The following MCM4 variants were observed in gnomAD, a reference collection of about 807,000 sequenced individuals.
MCM4 encodes the protein minichromosome maintenance complex component 4.
MCM4 carries 60 observed loss-of-function variants against 88.7 expected under a neutral mutation model. The ratio of observed to expected loss-of-function variants is 0.68; its 90% CI spans 0.55 to 0.84. MCM4 has a LOEUF of 0.84. Among genes scored for constraint, MCM4 ranks in the 40% least tolerant of loss-of-function variants. The pLI is 0.00. For missense variants in MCM4, 1,149 were observed against 1,105.5 expected, an observed-to-expected ratio of 1.04 and a Z score of -0.56; for synonymous variants, 465 against 410.5, an observed-to-expected ratio of 1.13 and a Z score of -1.61.
chr8:47,978,012 T>C lies in MCM4; in HGVS notation c.*1234T>C, dbSNP rs1219129728. On this transcript the variant is annotated 3_prime_UTR_variant, in exon 17 of 17. Coordinates refer to ENST00000649973, the MANE Select transcript of MCM4 (RefSeq NM_182746.3). ...TATGGAAATTTGTAGGGGTAAGTAT[T>C]TTATAGGTCATAAAAAACACCATAA... 2 of 152,268 alleles carry C rather than the reference T, an allele frequency of 1.3e-5. No individual in the cohort carries two copies. Among genetic ancestry groups the C allele is most frequent in the South Asian group, 2.1e-4 (1 of 4,824 alleles). The allele number at this position is 152,268 out of a possible 1,614,324, so 9.4% of individuals were successfully genotyped here.
Position 47,962,046 on chromosome 8 carries a change from T to G in MCM4, c.236-7T>G. On this transcript the variant is annotated splice_polypyrimidine_tract_variant and splice_region_variant and intron_variant, in intron 3 of 16. Coordinates refer to ENST00000649973, the MANE Select transcript of MCM4 (RefSeq NM_182746.3). ...GCCACCAGAATTTCCTAATTTTGTTTTTATAGCTATCCCTCTTGACTTTGA... is the reference window on the plus strand; with the variant it reads ...GCCACCAGAATTTCCTAATTTTGTTGTTATAGCTATCCCTCTTGACTTTGA... 1 of 1,613,700 alleles carries G rather than the reference T, an allele frequency of 6.2e-7. No homozygotes were observed. Among genetic ancestry groups the G allele is most frequent in the Non-Finnish European group, 8.5e-7 (1 of 1,179,796 alleles).
chr8:47,974,850 C>T lies in MCM4; in HGVS notation c.2253C>T (p.Asn751=), dbSNP rs780201599. 2.3e-5 allele frequency: 37 copies of T among 1,614,108 alleles called. No homozygotes were observed. Among genetic ancestry groups the T allele is most frequent in the Non-Finnish European group, 2.9e-5 (34 of 1,180,046 alleles). ...AEAHAKVRLS[N]KVEAIDVEEA... is the part of the protein sequence containing the mutation. Reference sequence around the variant, plus strand: ...CCCATGCTAAAGTAAGATTGTCTAACAAAGTTGAAGCCATTGATGTGGAAG... The same window carrying T: ...CCCATGCTAAAGTAAGATTGTCTAATAAAGTTGAAGCCATTGATGTGGAAG... The change falls in exon 15 of 17, where the codon AAC becomes AAT. Residue 751 remains asparagine (N), a synonymous_variant. Coordinates refer to ENST00000649973, the MANE Select transcript of MCM4 (RefSeq NM_182746.3).
chr8:47,974,432 C>T, intron 14 of MCM4: 1 of 325,912 alleles, frequency 3.1e-6, no homozygotes, highest in Non-Finnish European at 5.9e-6. Context: ...CTTCCCTCTG[C>T]CACGCCATGC....
At position 47,974,933 on chromosome 8, in the gene MCM4, G is replaced by C. The variant is rs1003547779; in HGVS notation, c.2336G>C (p.Gly779Ala). The change falls in exon 15 of 17, where the codon GGC becomes GCC. Residue 779 changes from glycine (G) to alanine (A), a missense_variant. Gly to Ala is a moderately conservative substitution (Grantham distance 60). Coordinates refer to ENST00000649973, the MANE Select transcript of MCM4 (RefSeq NM_182746.3). ...LKQSATDPRT[G>A]IVDISILTTG... The stretch of plus-strand genomic sequence containing the variant: ...CAGTCTGCAACTGATCCCCGGACTG[G>C]CATCGTGGACATATCTATTCTTACT... 1 of 1,614,164 alleles carries C rather than the reference G, an allele frequency of 6.2e-7. No individual in the cohort carries two copies.
At position 47,971,346 on chromosome 8, in the gene MCM4, G is replaced by A. The variant is rs1185670405; in HGVS notation, c.1806G>A (p.Gly602=). The change falls in exon 13 of 17, where the codon GGG becomes GGA. Residue 602 remains glycine (G), a synonymous_variant. Transcript: ENST00000649973. ...EQQTLSIAKA[G]IICQLNARTS... is the part of the protein sequence containing the mutation. ...TGCACTCTTTGCTCTGATAGGCTGGGATCATCTGTCAGCTCAATGCGCGCA... is the reference window on the plus strand; with the variant it reads ...TGCACTCTTTGCTCTGATAGGCTGGAATCATCTGTCAGCTCAATGCGCGCA... The A allele has an allele frequency of 6.2e-7, 1 of 1,614,092 alleles. No homozygotes were observed. Among genetic ancestry groups the A allele is most frequent in the Non-Finnish European group, 8.5e-7 (1 of 1,180,018 alleles).
chr8:47,967,034 C>T (rs1279833286), intron 9 of MCM4, among the ~76,000 whole-genome samples: 1 of 152,188 alleles, frequency 6.6e-6, no homozygotes, highest in African/African-American at 2.4e-5. Flanking sequence ...ATCATGCAGG[C>T]CCCCAAAGTG....
rs17287663 is a variant in MCM4 at position 47,970,002 on chromosome 8, A to G, written c.1379A>G (p.Glu460Gly). The G allele has an allele frequency of 4.3e-6, 7 of 1,614,112 alleles. No individual in the cohort carries two copies. In the South Asian group the frequency reaches 6.6e-5, roughly 15 times the overall value. The part of the protein sequence containing the change: ...KELSRKPDIY[E>G]RLASALAPSI... ...CTTTCCAGGAAACCAGACATTTATG[A>G]GAGGCTTGCTTCAGCCTTGGCTCCA... Residue 460 changes from glutamate (E) to glycine (G), a missense_variant, in exon 11 of 17, where the codon GAG becomes GGG. Coordinates refer to ENST00000649973, the MANE Select transcript of MCM4 (RefSeq NM_182746.3).
intron 11 of MCM4, 66 bp from the exon 12 acceptor site, chr8:47,970,445 A>T: frequency 6.6e-7 from 1 of 1,512,814 alleles, no homozygotes; most frequent in Admixed American, 2.2e-5. Flanking sequence ...GTACCTCTAA[A>T]GTTTAAACTA....
intron 15 of MCM4, chr8:47,975,182 G>GT (rs369844104): frequency 0.12 from 38,760 of 329,930 alleles, no homozygotes; most frequent in South Asian, 0.18. Context: ...GTTTTTTTTT[G>GT]TTTTTTTTTT....
chr8:47,975,838 A>G lies in MCM4; in HGVS notation c.2489A>G (p.Gln830Arg). 1.9e-6 allele frequency: 3 copies of G among 1,573,462 alleles called. No individual in the cohort carries two copies. The highest frequency in any genetic ancestry group is 2.6e-6 in the Non-Finnish European group (3 of 1,165,198). Residue 830 changes from glutamine to arginine, a missense_variant, in exon 16 of 17, where the codon CAA (glutamine) becomes CGA (arginine). Coordinates refer to ENST00000649973, the MANE Select transcript of MCM4 (RefSeq NM_182746.3). ...YQQLFEDIRG[Q>R]SDIAITKDMF... Reference sequence around the variant, plus strand: ...CAACTTTTTGAAGATATTCGGGGACAATCTGACATAGTAAGTGTTTATATG... The same window carrying G: ...CAACTTTTTGAAGATATTCGGGGACGATCTGACATAGTAAGTGTTTATATG...
rs1563830693 is a variant in MCM4, at chr8:47,962,379, T to C, written c.474T>C (p.Asn158=). ...TTGTGATCTGGGGAACAGATGTAAA[T>C]GTGGCAGCATGCAAAGAAAACTTTC... ...QKLVIWGTDV[N]VAACKENFQR... Residue 158 remains asparagine (N), a synonymous_variant, in exon 5 of 17, where the codon AAT becomes AAC. Coordinates refer to ENST00000649973, the MANE Select transcript of MCM4 (RefSeq NM_182746.3). 4 of 1,614,218 alleles carry C rather than the reference T, an allele frequency of 2.5e-6. No individual in the cohort carries two copies. The highest frequency in any genetic ancestry group is 2.5e-6 in the Non-Finnish European group (3 of 1,180,050).
intron 16 of MCM4, 123 bp from the exon 17 acceptor site, chr8:47,976,562 TG>T (rs2091002264): frequency 1.6e-6 from 1 of 624,578 alleles, no homozygotes; most frequent in African/African-American, 1.8e-5. Context: ...GCATAAGGCA[TG>T]TGTACAGCCA....
In MCM4 at chr8:47,964,724, T is replaced by C. The variant is rs1388321351; in HGVS notation, c.832+12T>C. On this transcript the variant is annotated intron_variant, in intron 8 of 16. Transcript: ENST00000649973. Reference sequence around the variant, plus strand: ...CCTGAATCCAGAAGGTAATGTATTTTTCATAGGATTACTTTTGTTGAAGGA... The same window carrying C: ...CCTGAATCCAGAAGGTAATGTATTTCTCATAGGATTACTTTTGTTGAAGGA... The C allele has an allele frequency of 6.5e-7, 1 of 1,539,438 alleles. No individual in the cohort carries two copies. Among genetic ancestry groups the C allele is most frequent in the Non-Finnish European group, 8.7e-7 (1 of 1,147,236 alleles).
At chr8:47,963,218 C>T (rs1444947673) in intron 7 of MCM4, among the ~76,000 whole-genome samples, 178 bp downstream of exon 7, 1 of 152,114 alleles carries the variant, frequency 6.6e-6, no homozygotes, top group Non-Finnish European at 1.5e-5. Flanking sequence ...TTTAGGACGC[C>T]GAGGCAAATG....
intron 11 of MCM4, 75 bp from the exon 12 acceptor site, chr8:47,970,436 T>C (rs1301019918): frequency 2.7e-6 from 4 of 1,494,394 alleles, no homozygotes; most frequent in Non-Finnish European, 3.6e-6. Flanking sequence ...GAGAGAAAAG[T>C]ACCTCTAAAG....
In MCM4 at chr8:47,961,221, C is replaced by G; in HGVS notation, c.70+7C>G. On this transcript the variant is annotated splice_region_variant and intron_variant, in intron 2 of 16. Coordinates refer to ENST00000649973, the MANE Select transcript of MCM4 (RefSeq NM_182746.3). ...GCCACCCCCGCCCAGACGCGTGAGT[C>G]CCCCGAGCCGGGCCCACTACAGCCC... is the stretch of plus-strand genomic sequence containing the variant. The G allele has an allele frequency of 6.7e-7, 1 of 1,501,976 alleles. No homozygotes were observed. Among genetic ancestry groups the G allele is most frequent in the Non-Finnish European group, 8.8e-7 (1 of 1,133,332 alleles). 93.0% of individuals were successfully genotyped at this position (1,501,976 alleles called of 1,614,324 possible).
At chr8:47,972,637 A>G (rs1589833353) in intron 13 of MCM4, among the ~76,000 whole-genome samples, 1 of 151,860 alleles carries the variant, frequency 6.6e-6, no homozygotes, top group African/African-American at 2.4e-5. Context: ...GCTCACCGCA[A>G]CCTTCGCCTT....
chr8:47,966,548 G>T, intron 9 of MCM4, 141 bp downstream of exon 9: 2 of 799,616 alleles, frequency 2.5e-6, no homozygotes, highest in Non-Finnish European at 3.9e-6. Flanking sequence ...TTTCGTTAGT[G>T]GCCTATGGGC....
In MCM4 at chr8:47,961,643, C is replaced by G. The variant is rs750454735; in HGVS notation, c.198C>G (p.Asp66Glu). Residue 66 changes from aspartate to glutamate, a missense_variant, in exon 3 of 17, where the codon GAC becomes GAG. Asp to Glu is a conservative substitution (Grantham distance 45). Coordinates refer to ENST00000649973, the MANE Select transcript of MCM4 (RefSeq NM_182746.3). ...GVDLQSPAAQ[D>E]VLFSSPPQMH... is the part of the protein sequence containing the mutation. Reference sequence around the variant, plus strand: ...ACCTGCAGAGCCCTGCTGCGCAGGACGTGCTGTTTTCCAGCCCTCCCCAAA... The same window carrying G: ...ACCTGCAGAGCCCTGCTGCGCAGGAGGTGCTGTTTTCCAGCCCTCCCCAAA... 1 of 1,612,740 alleles carries G rather than the reference C, an allele frequency of 6.2e-7. No individual in the cohort carries two copies. The highest frequency in any genetic ancestry group is 1.1e-5 in the South Asian group (1 of 91,034).
Sources: allele counts gnomAD v4.1 joint callset (sites outside exome capture counted in the v4.1 genomes callset), GRCh38; gene constraint gnomAD v4.1.1; transcripts MANE v1.5; gene names NCBI Gene and HGNC (gene_info 2026-07-23, HGNC 2026-07-21).